ARMC3: variants seen among roughly 807,000 people sequenced by gnomAD.
ARMC3 encodes the protein armadillo repeat containing 3.
Under a neutral mutation model 90.3 loss-of-function variants are expected in ARMC3, and 74 were observed. The ratio of observed to expected loss-of-function variants is 0.82; its 90% CI spans 0.68 to 0.99. The LOEUF (loss-of-function observed/expected upper bound fraction) is 0.99. Among genes scored for constraint, ARMC3 ranks in the 50% least tolerant of loss-of-function variants. The pLI is 0.00. For missense variants in ARMC3, 958 were observed against 1,042.8 expected (o/e 0.92, Z 1.12); for synonymous variants, 334 against 361.8 (o/e 0.92, Z 0.87).
At chr10:22,990,552 G>C (rs200342574) in intron 10 of ARMC3, among the ~76,000 whole-genome samples, 1 of 152,174 alleles carries the variant, frequency 6.6e-6, no homozygotes, top group African/African-American at 2.4e-5. Flanking sequence ...CTAAGTCCTT[G>C]AGTGGAATAT....
chr10:22,951,624 T>G (rs970573067), intron 3 of ARMC3, among the ~76,000 whole-genome samples: 1 of 152,144 alleles, frequency 6.6e-6, no homozygotes, highest in Non-Finnish European at 1.5e-5. Context: ...AAACTCTGGG[T>G]AATTGTTAAG....
At chr10:22,958,716 T>G (rs191997802) in intron 4 of ARMC3, among the ~76,000 whole-genome samples, 1 of 152,268 alleles carries the variant, frequency 6.6e-6, no homozygotes, top group East Asian at 1.9e-4. Flanking sequence ...CAGTAGATAC[T>G]ACCATTATCA....
At chr10:22,964,764 T>G (rs1343126111) in intron 7 of ARMC3, among the ~76,000 whole-genome samples, 2 of 151,424 alleles carry the variant, frequency 1.3e-5, no homozygotes, top group Non-Finnish European at 2.9e-5. Context: ...TTTTTTTTTC[T>G]TTAGTGTTAC....
At chr10:23,010,922 T>A (rs11593236) in intron 16 of ARMC3, among the ~76,000 whole-genome samples, 1 of 4,168 alleles carries the variant, frequency 2.4e-4, no homozygotes, top group Non-Finnish European at 1.2e-3. Flanking sequence ...CTTCTTCCCT[T>A]CCCTCCCCCT....
In ARMC3 at chr10:23,030,666, G is replaced by A; in HGVS notation, c.2116G>A (p.Val706Ile). 2.5e-6 allele frequency: 4 copies of A among 1,613,886 alleles called. No individual in the cohort carries two copies. Among genetic ancestry groups the A allele is most frequent in the Non-Finnish European group, 3.4e-6 (4 of 1,179,874 alleles). Residue 706 changes from valine (V) to isoleucine (I), a missense_variant, in exon 17 of 19, where the codon GTT (valine) becomes ATT (isoleucine). Val to Ile is a conservative substitution (Grantham distance 29, BLOSUM62 3). Coordinates refer to ENST00000298032, the MANE Select transcript of ARMC3 (RefSeq NM_173081.5). ...AGAGGTTATGGTGGTACCAAAATTT[G>A]TTGGTGAAGGAAGCTCTGACAAAGA... ...EEEVMVVPKF[V>I]GEGSSDKEWC...
chr10:22,979,741 A>G (rs1165685975), intron 8 of ARMC3, among the ~76,000 whole-genome samples: 1 of 152,206 alleles, frequency 6.6e-6, no homozygotes, highest in Non-Finnish European at 1.5e-5. Flanking sequence ...TCGGAGCCAC[A>G]TACTTTAGAG....
At chr10:22,999,622 T>A (rs1334367521) in intron 11 of ARMC3, among the ~76,000 whole-genome samples, 2 of 152,214 alleles carry the variant, frequency 1.3e-5, no homozygotes, top group Non-Finnish European at 2.9e-5. Flanking sequence ...GATAGGTATG[T>A]TTGTAATCCA....
rs143966476 is a variant in ARMC3 at position 22,953,550 on chromosome 10, CA to C, written c.167-2249del. On this transcript the variant is annotated intron_variant, in intron 3 of 18. Transcript: ENST00000298032. ...TTCTCTCCCTAATAAAAGATATCTA[CA>C]AAAAAAACCTATGGCTTACAACACA... Among the ~76,000 whole-genome samples, 23 of 151,790 alleles carry C rather than the reference CA, an allele frequency of 1.5e-4. 1 individual carries two copies. Among genetic ancestry groups the C allele is most frequent in the Admixed American group, 1.4e-3 (21 of 15,228 alleles).
At chr10:23,036,112 T>C (rs867671490) in intron 18 of ARMC3, among the ~76,000 whole-genome samples, 1 of 152,312 alleles carries the variant, frequency 6.6e-6, no homozygotes, top group Non-Finnish European at 1.5e-5. Context: ...ACAGGGTTGG[T>C]TGTTTTGATG....
chr10:23,012,987 C>G (rs1838092000), intron 16 of ARMC3, among the ~76,000 whole-genome samples: 1 of 150,978 alleles, frequency 6.6e-6, no homozygotes, highest in Non-Finnish European at 1.5e-5. Flanking sequence ...CTCCCAGGTT[C>G]ACGCAATTCT....
intron 13 of ARMC3, among the ~76,000 whole-genome samples, chr10:23,006,323 C>A (rs1423631922): frequency 6.6e-6 from 1 of 152,134 alleles, no homozygotes; most frequent in Non-Finnish European, 1.5e-5. Flanking sequence ...AGAAGAATGA[C>A]AGGATTGGTC....
intron 5 of ARMC3, 125 bp downstream of exon 5, chr10:22,959,263 C>G: frequency 3.0e-6 from 4 of 1,311,892 alleles, no homozygotes; most frequent in Non-Finnish European, 4.3e-6. Flanking sequence ...AACCACAGCT[C>G]AATTTTGAGT....
intron 10 of ARMC3, among the ~76,000 whole-genome samples, chr10:22,983,124 T>C (rs1382175562): frequency 1.3e-5 from 2 of 152,058 alleles, no homozygotes; most frequent in African/African-American, 4.8e-5. Flanking sequence ...TATGGTCACA[T>C]GGTGCAAAAA....
chr10:23,009,683 G>C (rs1193006341), intron 16 of ARMC3, among the ~76,000 whole-genome samples: 2 of 152,182 alleles, frequency 1.3e-5, no homozygotes, highest in Non-Finnish European at 2.9e-5. Flanking sequence ...ATTTTTATTA[G>C]AGATGGGGTT....
At chr10:23,000,070 T>G (rs537178033) in intron 11 of ARMC3, among the ~76,000 whole-genome samples, 1 of 152,210 alleles carries the variant, frequency 6.6e-6, no homozygotes, top group South Asian at 2.1e-4. Flanking sequence ...GGCTTGTCTT[T>G]CTAACGTGTG....
rs776751839 is a variant in ARMC3 at position 22,955,880 on chromosome 10, C to T, written c.240C>T (p.Asp80=). ...TAACTAAGCTACTCACCCATGAAGACAAAATTGTAAGAAGAAATGCTACTA... is the reference window on the plus strand; with the variant it reads ...TAACTAAGCTACTCACCCATGAAGATAAAATTGTAAGAAGAAATGCTACTA... ...EPLTKLLTHE[D]KIVRRNATMI... is the part of the protein sequence containing the mutation. Residue 80 remains aspartate, a synonymous_variant, in exon 4 of 19, where the codon GAC becomes GAT. Coordinates refer to ENST00000298032, the MANE Select transcript of ARMC3 (RefSeq NM_173081.5). 1.9e-6 allele frequency: 3 copies of T among 1,612,334 alleles called. No homozygotes were observed. Among genetic ancestry groups the T allele is most frequent in the African/African-American group, 2.7e-5 (2 of 74,866 alleles).
intron 8 of ARMC3, among the ~76,000 whole-genome samples, chr10:22,971,502 G>A (rs1405988199): frequency 6.9e-6 from 1 of 144,774 alleles, no homozygotes; most frequent in African/African-American, 2.6e-5. Flanking sequence ...GTGCAGTGGT[G>A]TGATCTCAGC....
intron 12 of ARMC3, 109 bp downstream of exon 12, chr10:23,002,164 T>A: frequency 6.9e-7 from 1 of 1,444,874 alleles, no homozygotes; most frequent in South Asian, 1.4e-5. Flanking sequence ...GCTCTCTCAG[T>A]CCGCTGAAGC....
chr10:23,036,899 A>C (rs755184536), intron 18 of ARMC3, among the ~76,000 whole-genome samples: 2 of 152,224 alleles, frequency 1.3e-5, no homozygotes, highest in Non-Finnish European at 2.9e-5. Flanking sequence ...GCCTCCATTC[A>C]GTCCCACTGC....
Sources: gnomAD v4.1 joint callset for allele counts (sites outside exome capture counted in the v4.1 genomes callset) on GRCh38, gnomAD v4.1.1 for gene constraint, MANE v1.5 for transcripts, NCBI Gene and HGNC (gene_info 2026-07-23, HGNC 2026-07-21) for gene names.